The following PRR12 variants were observed in gnomAD, a reference collection of about 807,000 sequenced individuals.
PRR12 encodes the protein proline rich 12.
PRR12 carries 12 observed loss-of-function variants against 138.0 expected under a neutral mutation model. The observed-to-expected ratio is 0.09, with a 90% CI of 0.06 to 0.14. The LOEUF is 0.14. Among genes scored for constraint, PRR12 ranks in the 10% least tolerant of loss-of-function variants. The pLI is 1.00. For synonymous variants in PRR12, 1,567 were observed against 1,291.7 expected (o/e 1.21, Z -4.57); for missense variants, 2,692 against 2,861.3 (o/e 0.94, Z 1.35).
At chr19:49,613,962 G>T (rs531193024) in intron 6 of PRR12, among the ~76,000 whole-genome samples, 1 of 152,118 alleles carries the variant, frequency 6.6e-6, no homozygotes, top group African/African-American at 2.4e-5. Flanking sequence ...TACAAAATTA[G>T]TCGGGTGTGG....
rs562031032 is a variant in PRR12, at chr19:49,601,384, G to A, written c.4346-107G>A. On this transcript the variant is annotated intron_variant, in intron 5 of 13. Transcript: ENST00000418929. The stretch of plus-strand genomic sequence containing the variant: ...TAGAAGGGACACTGGGAGCTGAGTG[G>A]TAGTTACAGAGGGGCTTTTGGTATA... 3 of 662,652 alleles carry A rather than the reference G, an allele frequency of 4.5e-6. No homozygotes were observed. The South Asian group carries it at 5.7e-5, about 13-fold the overall frequency. 41.0% of individuals were successfully genotyped at this position (662,652 alleles called of 1,614,324 possible). A position where few individuals can be genotyped will look rare whatever the true frequency, so the allele number is the denominator to read the frequency against.
In PRR12 at chr19:49,599,344, C is replaced by T; in HGVS notation, c.3751C>T (p.His1251Tyr). 2.5e-6 allele frequency: 4 copies of T among 1,613,254 alleles called. No homozygotes were observed. The highest frequency in any genetic ancestry group is 1.1e-5 in the South Asian group (1 of 91,008). ...GGGTGATGCCATATCAGGCACTGAC[C>T]ACAACAGCCTGGACTCGAGCCTGAC... Reference protein sequence around the residue: ...SSGDAISGTDHNSLDSSLTRE... With the variant: ...SSGDAISGTDYNSLDSSLTRE... Residue 1251 changes from histidine to tyrosine, a missense_variant, in exon 5 of 14, where the codon CAC becomes TAC. His to Tyr is a moderately conservative substitution (Grantham distance 83, BLOSUM62 2). Around this residue, in one of 11 missense-constraint regions of PRR12, gnomAD observed 326 missense variants for 344.2 expected, o/e 0.95. Transcript: ENST00000418929. This position sits in a 1 kb window ranked among gnomAD's most constrained non-coding sequence, Gnocchi z 5.0.
At chr19:49,605,084 C>T (rs1210306899) in intron 6 of PRR12, among the ~76,000 whole-genome samples, 7 of 151,946 alleles carry the variant, frequency 4.6e-5, no homozygotes, top group East Asian at 1.9e-4. Context: ...CTCCTGACCT[C>T]GGGTGATCCA....
rs2122389865 is a variant in PRR12 at position 49,625,050 on chromosome 19, G to A, written c.5869-55G>A. On this transcript the variant is annotated intron_variant, in intron 12 of 13. Transcript: ENST00000418929. This position sits in a 1 kb window ranked among gnomAD's most constrained non-coding sequence, Gnocchi z 5.5. ...GCTGGCGGTATGTGGGAAGGGAGGA[G>A]AGGGGCTGCCAAGTGCCGGGCTGGA... The A allele has an allele frequency of 2.5e-6, 4 of 1,612,552 alleles. No homozygotes were observed. Among genetic ancestry groups the A allele is most frequent in the Middle Eastern group, 3.3e-4 (2 of 6,052 alleles).
rs1442865444 is a variant in PRR12 at position 49,597,461 on chromosome 19, G to A, written c.3126G>A (p.Pro1042=). ...CCCACCAGGCGGCGCCACCACCCCC[G>A]CCTCCGCCACCGCCGCCTCCCGCGC... ...SGPHQAAPPP[P]PPPPPPPAPA... The change falls in exon 4 of 14, where the codon CCG becomes CCA. Residue 1042 remains proline (P), a synonymous_variant. Coordinates refer to ENST00000418929, the MANE Select transcript of PRR12 (RefSeq NM_020719.3). This position sits in a 1 kb window ranked among gnomAD's most constrained non-coding sequence, Gnocchi z 6.3. 7.8e-6 allele frequency: 12 copies of A among 1,541,546 alleles called. No homozygotes were observed. In the African/African-American group the frequency reaches 1.2e-4, roughly 16 times the overall value.
intron 9 of PRR12, among the ~76,000 whole-genome samples, chr19:49,617,538 G>A (rs1054191327): frequency 1.3e-5 from 2 of 152,206 alleles, no homozygotes; most frequent in African/African-American, 4.8e-5. Context: ...GGCTGAGGCA[G>A]AAGGATCACT....
rs765810526 is a variant in PRR12 at position 49,597,191 on chromosome 19, G to C, written c.2856G>C (p.Glu952Asp). ...EERSFFPTME[E>D]MFGGGAADDY... The stretch of plus-strand genomic sequence containing the variant: ...GCAGCTTCTTCCCCACCATGGAGGA[G>C]ATGTTCGGTGGAGGGGCCGCGGACG... The change falls in exon 4 of 14, where the codon GAG becomes GAC. Residue 952 changes from glutamate (E) to aspartate (D), a missense_variant. Transcript: ENST00000418929. The surrounding 1 kb of genome is among the most constrained non-coding windows in gnomAD (Gnocchi z 6.3). 6.4e-7 allele frequency: 1 copy of C among 1,558,130 alleles called. No individual in the cohort carries two copies. Among genetic ancestry groups the C allele is most frequent in the Non-Finnish European group, 8.7e-7 (1 of 1,151,126 alleles).
At position 49,616,344 on chromosome 19, in the gene PRR12, A is replaced by C; in HGVS notation, c.5497+125A>C. 1.2e-6 allele frequency: 1 copy of C among 821,328 alleles called. No homozygotes were observed. Among genetic ancestry groups the C allele is most frequent in the Non-Finnish European group, 1.8e-6 (1 of 555,400 alleles). The allele number at this position is 821,328 out of a possible 1,614,324, so 50.9% of individuals were successfully genotyped here. A position where few individuals can be genotyped will look rare whatever the true frequency, so the allele number is the denominator to read the frequency against. On this transcript the variant is annotated intron_variant, in intron 9 of 13. Coordinates refer to ENST00000418929, the MANE Select transcript of PRR12 (RefSeq NM_020719.3). The surrounding 1 kb of genome is among the most constrained non-coding windows in gnomAD (Gnocchi z 4.2). ...GAACCAGTATGTTACAGATAATGGC[A>C]GTAGCTCACAGTCACGGGGCATCTC...
At chr19:49,622,789 G>A (rs1403373702) in intron 11 of PRR12, among the ~76,000 whole-genome samples, 2 of 150,356 alleles carry the variant, frequency 1.3e-5, no homozygotes, top group East Asian at 3.9e-4. Flanking sequence ...CTACTCAGGA[G>A]GCTGAGGCAG....
rs1236328673 is a variant in PRR12, at chr19:49,625,507, T to C, written c.6011T>C (p.Val2004Ala). The change falls in exon 14 of 14, where the codon GTG (valine) becomes GCG (alanine). Residue 2004 changes from valine (V) to alanine (A), a missense_variant. Physicochemically the swap from Val to Ala is moderately conservative, Grantham distance 64. Transcript: ENST00000418929. The surrounding 1 kb of genome is among the most constrained non-coding windows in gnomAD (Gnocchi z 5.5). ...GCCGAGGACCTGGGCCAGGAGGAGGTGGTCCAGCAGTGCATGCGGAACCAG... is the reference window on the plus strand; with the variant it reads ...GCCGAGGACCTGGGCCAGGAGGAGGCGGTCCAGCAGTGCATGCGGAACCAG... ...GGAEDLGQEE[V>A]VQQCMRNQPW... The C allele has an allele frequency of 1.2e-6, 2 of 1,609,946 alleles. No homozygotes were observed. The highest frequency in any genetic ancestry group is 1.7e-6 in the Non-Finnish European group (2 of 1,178,620).
At chr19:49,600,843 G>A (rs918486247) in intron 5 of PRR12, among the ~76,000 whole-genome samples, 1 of 152,044 alleles carries the variant, frequency 6.6e-6, no homozygotes, top group Non-Finnish European at 1.5e-5. Flanking sequence ...TCCTGCCTCA[G>A]CCTCCCGAGT....
chr19:49,591,832 G>A, intron 1 of PRR12, 92 bp downstream of exon 1: 1 of 710,996 alleles, frequency 1.4e-6, no homozygotes, highest in South Asian at 4.7e-5. Context: ...CCGGCGACGC[G>A]TGCATCGCAA....
chr19:49,592,248 C>A (rs2080733247), intron 1 of PRR12, among the ~76,000 whole-genome samples: 1 of 151,912 alleles, frequency 6.6e-6, no homozygotes, highest in Non-Finnish European at 1.5e-5. Context: ...GCACGGGGCC[C>A]CGCCCCCTTC....
Position 49,596,369 on chromosome 19 carries a change from C to CG in PRR12, c.2038dup (p.Ala680GlyfsTer33), listed in dbSNP as rs373971169. The CG allele has an allele frequency of 6.3e-7, 1 of 1,598,140 alleles. No individual in the cohort carries two copies. Among genetic ancestry groups the CG allele is most frequent in the South Asian group, 1.1e-5 (1 of 89,962 alleles). On this transcript the variant is annotated frameshift_variant, in exon 4 of 14. Coordinates refer to ENST00000418929, the MANE Select transcript of PRR12 (RefSeq NM_020719.3). LOFTEE classifies it high-confidence loss of function. The surrounding 1 kb of genome is among the most constrained non-coding windows in gnomAD (Gnocchi z 5.6). ...CCTCTAAGGGACTTGGGGGGAGTGG[C>CG]GGGGCCGGGGGACCACCGGGTACAC...
In PRR12 at chr19:49,595,876, A is replaced by G; in HGVS notation, c.1541A>G (p.Tyr514Cys). ...GQLYGVQGEP[Y>C]PGPAAHSQGL... is the part of the protein sequence containing the mutation. ...CTGTATGGGGTGCAGGGCGAGCCATACCCAGGGCCAGCCGCCCACTCCCAG... is the reference window on the plus strand; with the variant it reads ...CTGTATGGGGTGCAGGGCGAGCCATGCCCAGGGCCAGCCGCCCACTCCCAG... Residue 514 changes from tyrosine (Y) to cysteine (C), a missense_variant, in exon 4 of 14, where the codon TAC (tyrosine) becomes TGC (cysteine). Physicochemically the swap from Tyr to Cys is radical, Grantham distance 194 (BLOSUM62 -2). Around this residue, in one of 11 missense-constraint regions of PRR12, gnomAD observed 523 missense variants for 496.4 expected, o/e 1.05. Coordinates refer to ENST00000418929, the MANE Select transcript of PRR12 (RefSeq NM_020719.3). 3 of 1,603,372 alleles carry G rather than the reference A, an allele frequency of 1.9e-6. No individual in the cohort carries two copies. The highest frequency in any genetic ancestry group is 2.5e-6 in the Non-Finnish European group (3 of 1,179,302).
chr19:49,598,923 G>GT (rs962112681), intron 4 of PRR12, among the ~76,000 whole-genome samples: 2 of 152,164 alleles, frequency 1.3e-5, no homozygotes, highest in African/African-American at 4.8e-5. Context: ...GTCTCCCAAG[G>GT]TGCTGGGATT....
At chr19:49,592,121 G>A (rs1430590963) in intron 1 of PRR12, among the ~76,000 whole-genome samples, 7 of 151,936 alleles carry the variant, frequency 4.6e-5, no homozygotes, top group Non-Finnish European at 1.0e-4. Context: ...GTGGGAAGAA[G>A]AGAAGAATTA....
At chr19:49,608,790 T>C (rs1267375210) in intron 6 of PRR12, among the ~76,000 whole-genome samples, 3 of 151,412 alleles carry the variant, frequency 2.0e-5, no homozygotes, top group Non-Finnish European at 4.4e-5. Context: ...TAGTGAGCCA[T>C]GATTACACCA....
rs2122354266 is a variant in PRR12, at chr19:49,614,822, C to T, written c.4891-54C>T. 1.2e-6 allele frequency: 2 copies of T among 1,611,886 alleles called. No individual in the cohort carries two copies. The highest frequency in any genetic ancestry group is 2.2e-5 in the South Asian group (2 of 90,964). On this transcript the variant is annotated intron_variant, in intron 7 of 13. Coordinates refer to ENST00000418929, the MANE Select transcript of PRR12 (RefSeq NM_020719.3). This position sits in a 1 kb window ranked among gnomAD's most constrained non-coding sequence, Gnocchi z 5.0. The stretch of plus-strand genomic sequence containing the variant: ...GTGGCCCAGGGCACGGGGGTGTTGG[C>T]CATCTGGCTGGGCAGTGTGAAGAAT...
Sources: allele counts gnomAD v4.1 joint callset (sites outside exome capture counted in the v4.1 genomes callset), GRCh38; gene constraint gnomAD v4.1.1; regional missense constraint gnomAD v4.1.1; non-coding constraint Gnocchi (gnomAD v3.1); transcripts MANE v1.5; gene names NCBI Gene and HGNC (gene_info 2026-07-23, HGNC 2026-07-21).